KDM1B: variants seen among roughly 807,000 people sequenced by gnomAD.
KDM1B encodes lysine demethylase 1B, also known as lysine-specific histone demethylase 2.
A neutral mutation model predicts 107.4 loss-of-function variants in KDM1B; 63 were observed. That is an observed-to-expected ratio of 0.59 (90% CI 0.48 to 0.72). The LOEUF is 0.72. Among genes scored for constraint, KDM1B ranks in the 30% least tolerant of loss-of-function variants. The pLI is 0.00. For missense variants in KDM1B, 749 were observed against 1,020.8 expected (o/e 0.73, Z 3.63); for synonymous variants, 363 against 363.9 (o/e 1.00, Z 0.03).
chr6:18,179,799 A>C (rs548775945), intron 7 of KDM1B, among the ~76,000 whole-genome samples: 1 of 149,256 alleles, frequency 6.7e-6, no homozygotes, highest in South Asian at 2.1e-4. Context: ...AGATTCCTGA[A>C]ATTGGTAAGA....
At chr6:18,160,903 C>A (rs973662894) in intron 3 of KDM1B, among the ~76,000 whole-genome samples, 6 of 147,822 alleles carry the variant, frequency 4.1e-5, no homozygotes, top group African/African-American at 1.5e-4. Context: ...TCGTGTGTGC[C>A]ACAATGCCTG....
chr6:18,164,510 C>A (rs1343955184), intron 5 of KDM1B, among the ~76,000 whole-genome samples: 1 of 152,120 alleles, frequency 6.6e-6, no homozygotes, highest in Non-Finnish European at 1.5e-5. Flanking sequence ...TCAAAATTGA[C>A]CCCTTTGTGT....
At chr6:18,221,667 A>G (rs1276516039) in intron 21 of KDM1B, among the ~76,000 whole-genome samples, 2 of 152,208 alleles carry the variant, frequency 1.3e-5, no homozygotes, top group Admixed American at 6.5e-5. Flanking sequence ...TACCTATCAC[A>G]TATACTTAGT....
intron 5 of KDM1B, among the ~76,000 whole-genome samples, chr6:18,165,621 G>C (rs1017972566): frequency 6.6e-6 from 1 of 151,964 alleles, no homozygotes; most frequent in Non-Finnish European, 1.5e-5. Context: ...TTAGGAGTTC[G>C]GGACCAGCCT....
intron 4 of KDM1B, among the ~76,000 whole-genome samples, chr6:18,161,954 T>A (rs931535020): frequency 2.6e-5 from 4 of 152,144 alleles, no homozygotes; most frequent in African/African-American, 7.2e-5. Flanking sequence ...TTTTCTTTTT[T>A]ACTTCCAGAG....
At position 18,185,829 on chromosome 6, in the gene KDM1B, T is replaced by C; in HGVS notation, c.573+19T>C. 1 of 1,611,848 alleles carries C rather than the reference T, an allele frequency of 6.2e-7. No homozygotes were observed. Among genetic ancestry groups the C allele is most frequent in the Non-Finnish European group, 8.5e-7 (1 of 1,178,050 alleles). Reference sequence around the variant, plus strand: ...GGATCTAGTGAGTATTTCCGGATGGTGTGGATTGGGGTTAATTGTGCCTTT... The same window carrying C: ...GGATCTAGTGAGTATTTCCGGATGGCGTGGATTGGGGTTAATTGTGCCTTT... On this transcript the variant is annotated intron_variant, in intron 8 of 21. Coordinates refer to ENST00000650836, the MANE Select transcript of KDM1B (RefSeq NM_001364614.2).
intron 7 of KDM1B, among the ~76,000 whole-genome samples, chr6:18,180,380 T>G (rs1786376067): frequency 6.6e-6 from 1 of 152,148 alleles, no homozygotes; most frequent in Admixed American, 6.6e-5. Context: ...CATTATAATA[T>G]TTAAAGGAGA....
chr6:18,197,106 T>G lies in KDM1B; in HGVS notation c.1019T>G (p.Leu340Arg). ...ATTCCTCACATCATCGTCCGGGGTC[T>G]CGTGCGTATTCGATGCGTTCAGGAA... is the stretch of plus-strand genomic sequence containing the variant. ...KCIPHIIVRGLVRIRCVQEVE... is the reference protein window; with the variant it reads ...KCIPHIIVRGRVRIRCVQEVE... The change falls in exon 11 of 22, where the codon CTC becomes CGC. Residue 340 changes from leucine to arginine, a missense_variant. Leu to Arg is a moderately radical substitution (Grantham distance 102). Coordinates refer to ENST00000650836, the MANE Select transcript of KDM1B (RefSeq NM_001364614.2). This position sits in a 1 kb window ranked among gnomAD's most constrained non-coding sequence, Gnocchi z 4.5. 6.2e-7 allele frequency: 1 copy of G among 1,614,144 alleles called. No homozygotes were observed. Among genetic ancestry groups the G allele is most frequent in the Non-Finnish European group, 8.5e-7 (1 of 1,179,990 alleles).
chr6:18,213,492 CAG>C lies in KDM1B; in HGVS notation c.1984-163_1984-162del, dbSNP rs1406044650. The stretch of plus-strand genomic sequence containing the variant: ...AAACAAAAAACAACCAAGGAGTTCA[CAG>C]GGGGAAAAAAGGAGGTGAGGAGAAT... On this transcript the variant is annotated intron_variant, in intron 18 of 21. Transcript: ENST00000650836. The surrounding 1 kb of genome is among the most constrained non-coding windows in gnomAD (Gnocchi z 5.9). 3.3e-5 allele frequency among the ~76,000 whole-genome samples: 5 copies of C among 150,716 alleles called. No homozygotes were observed. The South Asian group carries it at 6.3e-4, about 19-fold the overall frequency.
rs141200089 is a variant in KDM1B at position 18,212,508 on chromosome 6, G to A, written c.1887G>A (p.Leu629=). The A allele has an allele frequency of 5.0e-3, 8,084 of 1,612,804 alleles. 23 individuals are homozygous for A. The highest frequency in any genetic ancestry group is 6.2e-3 in the Non-Finnish European group (7,364 of 1,178,780). ...SAQKVLVTVP[L]ALLQKGAIQF... ...CACAGGTATTAGTCACTGTACCACT[G>A]GCTTTACTACAGAAAGGTGCCATTC... Residue 629 remains leucine (L), a synonymous_variant, in exon 18 of 22, where the codon CTG becomes CTA. Coordinates refer to ENST00000650836, the MANE Select transcript of KDM1B (RefSeq NM_001364614.2). The surrounding 1 kb of genome is among the most constrained non-coding windows in gnomAD (Gnocchi z 5.2).
chr6:18,210,400 A>G (rs1788781692), intron 17 of KDM1B, among the ~76,000 whole-genome samples: 1 of 108,328 alleles, frequency 9.2e-6, no homozygotes, highest in Non-Finnish European at 1.8e-5. Context: ...TCTGTTGCCC[A>G]AGCTGGAGTG....
intron 17 of KDM1B, among the ~76,000 whole-genome samples, chr6:18,208,607 A>ATGTG (rs1405319663): frequency 3.5e-4 from 5 of 14,326 alleles, no homozygotes; most frequent in Admixed American, 1.2e-3. Context: ...GTGTATGTAT[A>ATGTG]TATATATATA....
chr6:18,198,877 C>G (rs1206923821), intron 12 of KDM1B, among the ~76,000 whole-genome samples: 1 of 149,052 alleles, frequency 6.7e-6, no homozygotes, highest in Non-Finnish European at 1.5e-5. Flanking sequence ...AAAAAAAAAA[C>G]TAGAAATGGG....
At chr6:18,181,781 T>G (rs568346024) in intron 7 of KDM1B, among the ~76,000 whole-genome samples, 1 of 152,208 alleles carries the variant, frequency 6.6e-6, no homozygotes, top group East Asian at 1.9e-4. Flanking sequence ...TCACTCTAAC[T>G]TGAAAAAATA....
At chr6:18,164,369 C>CAGGAA (rs1785156604) in intron 5 of KDM1B, among the ~76,000 whole-genome samples, 1 of 152,080 alleles carries the variant, frequency 6.6e-6, no homozygotes, top group Non-Finnish European at 1.5e-5. Flanking sequence ...CTTGGGTGAT[C>CAGGAA]TGCCTGCCTC....
In KDM1B at chr6:18,215,069, G is replaced by A. The variant is rs746198268; in HGVS notation, c.2172G>A (p.Leu724=). 6.2e-7 allele frequency: 1 copy of A among 1,614,058 alleles called. No individual in the cohort carries two copies. The highest frequency in any genetic ancestry group is 8.5e-7 in the Non-Finnish European group (1 of 1,180,004). ...AGEAVASVRT[L]DDKQVLQQCM... Reference sequence around the variant, plus strand: ...AGGCTGTCGCATCCGTGAGGACCCTGGATGACAAACAGGTGCTGCAGCAGT... The same window carrying A: ...AGGCTGTCGCATCCGTGAGGACCCTAGATGACAAACAGGTGCTGCAGCAGT... The change falls in exon 20 of 22, where the codon CTG becomes CTA. Residue 724 remains leucine (L), a synonymous_variant. Transcript: ENST00000650836.
chr6:18,175,944 A>G (rs995552130), intron 7 of KDM1B, among the ~76,000 whole-genome samples: 1 of 152,068 alleles, frequency 6.6e-6, no homozygotes, highest in Non-Finnish European at 1.5e-5. Context: ...TGCTTTGGCT[A>G]TGCGGGCTCT....
At chr6:18,156,082 T>A (rs1033941181) in intron 2 of KDM1B, among the ~76,000 whole-genome samples, 156 bp downstream of exon 2, 3 of 152,174 alleles carry the variant, frequency 2.0e-5, no homozygotes, top group Non-Finnish European at 4.4e-5. Flanking sequence ...AGGAACTCCC[T>A]CGCTTGTTCT....
At chr6:18,167,397 T>C (rs1785371124) in intron 6 of KDM1B, among the ~76,000 whole-genome samples, 1 of 152,296 alleles carries the variant, frequency 6.6e-6, no homozygotes, top group East Asian at 1.9e-4. Context: ...ATATTCTTTT[T>C]TCATTTAGTC....
Sources: gnomAD v4.1 joint callset for allele counts (sites outside exome capture counted in the v4.1 genomes callset) on GRCh38, gnomAD v4.1.1 for gene constraint, Gnocchi (gnomAD v3.1) non-coding constraint, MANE v1.5 for transcripts, NCBI Gene and HGNC (gene_info 2026-07-23, HGNC 2026-07-21) for gene names.